RNF32: variants seen among roughly 807,000 people sequenced by gnomAD.
RNF32 encodes the protein ring finger protein 32.
Under a neutral mutation model 41.0 loss-of-function variants are expected in RNF32, and 36 were observed. The observed-to-expected ratio is 0.88, with a 90% confidence interval of 0.67 to 1.16. The LOEUF is 1.16. Ranked by LOEUF, RNF32 falls within the 50% of genes most tolerant of loss-of-function variation. RNF32 has a pLI of 0.00. For missense variants in RNF32, 413 were observed against 436.7 expected (o/e 0.95, Z 0.48); for synonymous variants, 154 against 160.9 (o/e 0.96, Z 0.32).
intron 7 of RNF32, chr7:156,659,542 G>C: frequency 1.0e-6 from 1 of 984,166 alleles, no homozygotes; most frequent in Non-Finnish European, 1.2e-6. Flanking sequence ...GTCATAGTAG[G>C]TTGTCTCTTA....
At chr7:156,672,541 T>C (rs1802784268) in intron 7 of RNF32, among the ~76,000 whole-genome samples, 1 of 152,202 alleles carries the variant, frequency 6.6e-6, no homozygotes, top group African/African-American at 2.4e-5. Context: ...TGAAGGAAAA[T>C]GTACTTTAAA....
intron 7 of RNF32, among the ~76,000 whole-genome samples, chr7:156,664,826 G>T (rs1801131819): frequency 6.6e-6 from 1 of 151,832 alleles, no homozygotes. Context: ...GTTTAATCTG[G>T]GCATAACATG....
At chr7:156,642,772 T>C (rs911658118) in intron 1 of RNF32, among the ~76,000 whole-genome samples, 1 of 152,218 alleles carries the variant, frequency 6.6e-6, no homozygotes, top group Non-Finnish European at 1.5e-5. Flanking sequence ...AGCTTTGGGA[T>C]GTGGGAGGAA....
chr7:156,641,222 A>G (rs1797261879), intron 1 of RNF32, among the ~76,000 whole-genome samples: 1 of 152,206 alleles, frequency 6.6e-6, no homozygotes, highest in Non-Finnish European at 1.5e-5. Context: ...AGCGGGGTTC[A>G]GAAGGCAGGA....
intron 3 of RNF32, among the ~76,000 whole-genome samples, chr7:156,652,409 A>G (rs998176290): frequency 2.4e-4 from 37 of 151,888 alleles, no homozygotes; most frequent in Non-Finnish European, 5.9e-5. Flanking sequence ...TTTACTCCCC[A>G]TTTTCCATGT....
At chr7:156,641,585 C>A (rs1012630990) in intron 1 of RNF32, among the ~76,000 whole-genome samples, 14 of 152,122 alleles carry the variant, frequency 9.2e-5, no homozygotes, top group Non-Finnish European at 2.9e-5. Context: ...ATTTTAAACT[C>A]TAAAACTTAA....
At chr7:156,659,459 C>G in intron 7 of RNF32, 1 of 985,356 alleles carries the variant, frequency 1.0e-6, no homozygotes, top group Non-Finnish European at 1.2e-6. Flanking sequence ...CCTTTACATT[C>G]TTTCCAGTTT....
chr7:156,655,215 T>G (rs955712465), intron 4 of RNF32, among the ~76,000 whole-genome samples: 1 of 151,566 alleles, frequency 6.6e-6, no homozygotes, highest in Non-Finnish European at 1.5e-5. Context: ...CTACTCTGGG[T>G]TAACAGATAA....
chr7:156,658,505 A>C lies in RNF32; in HGVS notation c.619A>C (p.Arg207=). The change falls in exon 7 of 9, where the codon AGA becomes CGA. Residue 207 remains arginine, a synonymous_variant. Transcript: ENST00000317955. ...WRGCVVRKWY[R]NLRKTVPPTD... ...AGGATGTGTTGTTAGAAAGTGGTAC[A>C]GAAACCTGAGGAAAACAGTACCTCC... 1.2e-6 allele frequency: 2 copies of C among 1,613,990 alleles called. No individual in the cohort carries two copies. The highest frequency in any genetic ancestry group is 3.3e-5 in the Admixed American group (2 of 60,026).
chr7:156,655,239 G>A (rs548191766), intron 4 of RNF32, among the ~76,000 whole-genome samples: 2,627 of 148,546 alleles, frequency 0.018, 82 homozygotes, highest in African/African-American at 0.062. Flanking sequence ...ACACGCGCGC[G>A]CACACACACA....
At chr7:156,651,457 AC>A (rs1300626978) in intron 3 of RNF32, among the ~76,000 whole-genome samples, 4 of 151,898 alleles carry the variant, frequency 2.6e-5, no homozygotes, top group Admixed American at 2.0e-4. Flanking sequence ...CAGGTGATCC[AC>A]CCACCTCGGC....
chr7:156,661,255 A>G (rs1306393636), intron 7 of RNF32, among the ~76,000 whole-genome samples: 1 of 151,666 alleles, frequency 6.6e-6, no homozygotes, highest in Non-Finnish European at 1.5e-5. Context: ...CAGAAATTCC[A>G]TTGTTAAGGT....
chr7:156,673,558 A>T (rs1803080780), intron 7 of RNF32, among the ~76,000 whole-genome samples: 2 of 152,184 alleles, frequency 1.3e-5, no homozygotes, highest in African/African-American at 4.8e-5. Context: ...CATAAATAGA[A>T]AAGCAGCTTC....
At chr7:156,646,645 C>T in intron 3 of RNF32, 1 of 483,474 alleles carries the variant, frequency 2.1e-6, no homozygotes, top group Non-Finnish European at 3.4e-6. Flanking sequence ...TTAGATTAGG[C>T]ATCAATGAGA....
intron 3 of RNF32, chr7:156,646,496 A>G (rs1232624289): frequency 3.1e-6 from 4 of 1,298,498 alleles, no homozygotes; most frequent in African/African-American, 1.5e-5. Flanking sequence ...AACCAGTATG[A>G]CCTCATCTTA....
chr7:156,651,221 T>TTC, intron 3 of RNF32, among the ~76,000 whole-genome samples: 1 of 151,328 alleles, frequency 6.6e-6, no homozygotes, highest in African/African-American at 2.4e-5. Context: ...ATTTCTTTTT[T>TTC]TTTTTTTTTT....
upstream of RNF32, chr7:156,640,718 C>A (rs955444731): frequency 1.6e-4 from 43 of 277,026 alleles, no homozygotes; most frequent in Non-Finnish European, 1.1e-4. Context: ...AGCGCGGAGG[C>A]GGGCGTTGCT....
chr7:156,665,700 C>T lies in RNF32; in HGVS notation c.684+7130C>T, dbSNP rs1376029649. 3.9e-5 allele frequency among the ~76,000 whole-genome samples: 6 copies of T among 152,216 alleles called. No individual in the cohort carries two copies. In the East Asian group the frequency reaches 1.2e-3, roughly 29 times the overall value. On this transcript the variant is annotated intron_variant, in intron 7 of 8. Coordinates refer to ENST00000317955, the MANE Select transcript of RNF32 (RefSeq NM_030936.4). ...CTCTCTGTCAGTGGCTGATTCTCCA[C>T]TCCCACCCACCAGCCATCTCGATTC... is the stretch of plus-strand genomic sequence containing the variant.
chr7:156,641,965 T>C (rs1250263763), intron 1 of RNF32, among the ~76,000 whole-genome samples: 1 of 152,242 alleles, frequency 6.6e-6, no homozygotes. Flanking sequence ...ACTGACGTTT[T>C]TACTTCTAAC....
Sources: gnomAD v4.1 joint callset for allele counts (sites outside exome capture counted in the v4.1 genomes callset) on GRCh38, gnomAD v4.1.1 for gene constraint, MANE v1.5 for transcripts, NCBI Gene and HGNC (gene_info 2026-07-23, HGNC 2026-07-21) for gene names.